PPIG: variants seen among roughly 807,000 people sequenced by gnomAD.
PPIG encodes the protein peptidyl-prolyl cis-trans isomerase G.
Under a neutral mutation model 87.9 loss-of-function variants are expected in PPIG, and 26 were observed. That is an observed-to-expected ratio of 0.30 (90% CI 0.22 to 0.41). The LOEUF is 0.41. Among genes scored for constraint, PPIG ranks in the 10% least tolerant of loss-of-function variants. The pLI is 1.00. For synonymous variants in PPIG, 308 were observed against 276.5 expected, an observed-to-expected ratio of 1.11 and a Z score of -1.13; for missense variants, 722 against 879.4, an observed-to-expected ratio of 0.82 and a Z score of 2.26.
chr2:169,592,337 C>A (rs1182657925), intron 1 of PPIG, among the ~76,000 whole-genome samples: 1 of 131,706 alleles, frequency 7.6e-6, no homozygotes, highest in Admixed American at 8.8e-5. Context: ...TGGAGTCTCG[C>A]TCTGTCACCC....
intron 11 of PPIG, among the ~76,000 whole-genome samples, chr2:169,632,149 A>G (rs146201486): frequency 0.011 from 1,615 of 152,364 alleles, 26 homozygotes; most frequent in African/African-American, 0.033. Context: ...AAAGTTACAC[A>G]TAATAAACAC....
intron 1 of PPIG, among the ~76,000 whole-genome samples, chr2:169,587,282 C>G (rs558263118): frequency 6.6e-6 from 1 of 150,504 alleles, no homozygotes; most frequent in South Asian, 2.1e-4. Flanking sequence ...CGCTGTCTTG[C>G]CCATACTGGA....
intron 9 of PPIG, among the ~76,000 whole-genome samples, chr2:169,619,684 T>C (rs1685692016): frequency 6.6e-6 from 1 of 152,116 alleles, no homozygotes; most frequent in Admixed American, 6.5e-5. Context: ...ATAATGGCTG[T>C]ACCGATTTAC....
chr2:169,594,655 G>A (rs2105475919), intron 1 of PPIG, among the ~76,000 whole-genome samples: 1 of 128,110 alleles, frequency 7.8e-6, no homozygotes, highest in Non-Finnish European at 1.6e-5. Flanking sequence ...TTGAGACAGA[G>A]TCTCTGTCAC....
chr2:169,601,466 A>G (rs934189131), intron 1 of PPIG, among the ~76,000 whole-genome samples: 1 of 152,230 alleles, frequency 6.6e-6, no homozygotes, highest in Non-Finnish European at 1.5e-5. Context: ...AGAAAAATAA[A>G]GCAGAATAAG....
Position 169,606,064 on chromosome 2 carries a change from T to A in PPIG, c.162T>A (p.Thr54=), listed in dbSNP as rs34753364. The A allele has an allele frequency of 0.011, 18,050 of 1,612,600 alleles. 121 individuals carry two copies. The highest frequency in any genetic ancestry group is 0.014 in the Non-Finnish European group (16,462 of 1,178,672). The change falls in exon 5 of 14, where the codon ACT becomes ACA. Residue 54 remains threonine, a synonymous_variant. Coordinates refer to ENST00000260970, the MANE Select transcript of PPIG (RefSeq NM_004792.3). ...GTGAAAAGGGGACCGGGAAATCAAC[T>A]CAGAAACCATTACATTATAAGAGTT... ...CTGEKGTGKS[T]QKPLHYKSCL... is the part of the protein sequence containing the mutation.
intron 12 of PPIG, among the ~76,000 whole-genome samples, chr2:169,635,757 C>A (rs1427493189): frequency 2.0e-5 from 3 of 152,118 alleles, no homozygotes; most frequent in African/African-American, 7.2e-5. Context: ...TAGGACTCTT[C>A]CATGGAGAAG....
chr2:169,585,408 C>A (rs910407250), intron 1 of PPIG, among the ~76,000 whole-genome samples: 1 of 151,810 alleles, frequency 6.6e-6, no homozygotes, highest in African/African-American at 2.4e-5. Context: ...ACTACAGGCA[C>A]GTGCCACCAT....
At chr2:169,636,266 A>G (rs371520639) in intron 13 of PPIG, 38 bp downstream of exon 13, 1 of 1,555,960 alleles carries the variant, frequency 6.4e-7, no homozygotes, top group Non-Finnish European at 8.6e-7. Flanking sequence ...TGTAATGATA[A>G]GTGTTTGCTT....
intron 1 of PPIG, among the ~76,000 whole-genome samples, chr2:169,590,229 A>G (rs748339909): frequency 5.9e-5 from 9 of 152,348 alleles, no homozygotes; most frequent in Middle Eastern, 3.4e-3. Flanking sequence ...TCATGCCTCA[A>G]TTAACATTCT....
intron 9 of PPIG, among the ~76,000 whole-genome samples, chr2:169,617,699 A>C (rs975167812): frequency 1.6e-4 from 25 of 152,192 alleles, no homozygotes; most frequent in African/African-American, 5.5e-4. Context: ...TTGCACATTG[A>C]TTTTGTATCC....
chr2:169,605,820 CATT>C (rs1023434916), intron 4 of PPIG, among the ~76,000 whole-genome samples: 2 of 151,846 alleles, frequency 1.3e-5, no homozygotes, highest in African/African-American at 4.8e-5. Flanking sequence ...TAAAACCAAA[CATT>C]AGTTGTAAAG....
At chr2:169,600,794 A>G (rs1685159276) in intron 1 of PPIG, among the ~76,000 whole-genome samples, 1 of 152,212 alleles carries the variant, frequency 6.6e-6, no homozygotes, top group Non-Finnish European at 1.5e-5. Context: ...AAAATCACCT[A>G]TAACTCATTT....
At position 169,639,054 on chromosome 2, in the gene PPIG, G is replaced by A. The variant is rs577843130; in HGVS notation, c.*1531G>A. 2 of 152,088 alleles carry A rather than the reference G, an allele frequency of 1.3e-5. No homozygotes were observed. The highest frequency in any genetic ancestry group is 4.1e-4 in the South Asian group (2 of 4,824). 9.4% of individuals were successfully genotyped at this position (152,088 alleles called of 1,614,324 possible). A position where few individuals can be genotyped will look rare whatever the true frequency, so the allele number is the denominator to read the frequency against. Reference sequence around the variant, plus strand: ...ATGATACTTCCCACTATTGATTAATGCAATATTGATATATTTGGCGTTGTG... The same window carrying A: ...ATGATACTTCCCACTATTGATTAATACAATATTGATATATTTGGCGTTGTG... On this transcript the variant is annotated 3_prime_UTR_variant, in exon 14 of 14. Coordinates refer to ENST00000260970, the MANE Select transcript of PPIG (RefSeq NM_004792.3).
Position 169,612,567 on chromosome 2 carries a change from A to G in PPIG, c.378-1897A>G, listed in dbSNP as rs1027309960. ...CCTGGCTAATTTTTGTATTTTTAGT[A>G]GAGACGGGGTTTCACCGTGTTAGCC... On this transcript the variant is annotated intron_variant, in intron 7 of 13. Transcript: ENST00000260970. Among the ~76,000 whole-genome samples the G allele has an allele frequency of 4.6e-5, 7 of 151,988 alleles. No homozygotes were observed. In the South Asian group the frequency reaches 1.4e-3, roughly 31 times the overall value.
At chr2:169,601,776 T>C (rs1207816309) in intron 1 of PPIG, among the ~76,000 whole-genome samples, 1 of 152,164 alleles carries the variant, frequency 6.6e-6, no homozygotes, top group Non-Finnish European at 1.5e-5. Flanking sequence ...AGCTAAAATA[T>C]TTAGAGCCGT....
intron 1 of PPIG, among the ~76,000 whole-genome samples, chr2:169,597,660 G>A (rs1435520018): frequency 6.6e-6 from 1 of 151,856 alleles, no homozygotes; most frequent in Non-Finnish European, 1.5e-5. Flanking sequence ...ACCACATCCA[G>A]CTAATTATTT....
In PPIG at chr2:169,633,140, TTC is replaced by T; in HGVS notation, c.930-18_930-17del. On this transcript the variant is annotated intron_variant, in intron 11 of 13. Transcript: ENST00000260970. ...AAGTTTTTAAAAAAATGTGTTAACT[TTC>T]TGTTTGCTTCCTTCTAGTAATCCAC... 1.3e-6 allele frequency: 2 copies of T among 1,553,784 alleles called. No individual in the cohort carries two copies. Among genetic ancestry groups the T allele is most frequent in the Non-Finnish European group, 1.8e-6 (2 of 1,127,306 alleles).
At position 169,636,951 on chromosome 2, in the gene PPIG, C is replaced by G. The variant is rs188830723; in HGVS notation, c.1693C>G (p.Arg565Gly). ...CAGTTATAATAGCAGAACAAGAGAA[C>G]GAAGCAGAAGTAGGGACAGAAGCAG... is the stretch of plus-strand genomic sequence containing the variant. ...KHSYNSRTRE[R>G]SRSRDRSRRV... is the part of the protein sequence containing the mutation. The change falls in exon 14 of 14, where the codon CGA becomes GGA. Residue 565 changes from arginine to glycine, a missense_variant. By Grantham distance (125) the Arg-to-Gly change is moderately radical. Around this residue, in one of 4 missense-constraint regions of PPIG, gnomAD observed 476 missense variants for 483.1 expected, o/e 0.99. Transcript: ENST00000260970. 2 of 1,613,716 alleles carry G rather than the reference C, an allele frequency of 1.2e-6. No individual in the cohort carries two copies. Among genetic ancestry groups the G allele is most frequent in the African/African-American group, 2.7e-5 (2 of 74,948 alleles).
Sources: allele counts gnomAD v4.1 joint callset (sites outside exome capture counted in the v4.1 genomes callset), GRCh38; gene constraint gnomAD v4.1.1; regional missense constraint gnomAD v4.1.1; transcripts MANE v1.5; gene names NCBI Gene and HGNC (gene_info 2026-07-23, HGNC 2026-07-21).